Variants in CCZ1B observed in about 807,000 individuals in gnomAD.
CCZ1B encodes vacuolar fusion protein CCZ1 homolog B.
Under a neutral mutation model 58.8 loss-of-function variants are expected in CCZ1B, and 25 were observed. The ratio of observed to expected loss-of-function variants is 0.43; its 90% CI spans 0.31 to 0.59. The LOEUF (loss-of-function observed/expected upper bound fraction) is 0.59. Among genes scored for constraint, CCZ1B ranks in the 20% least tolerant of loss-of-function variants. The probability of loss-of-function intolerance (pLI) is 0.12; values close to 1 mark genes in which losing one functional copy is unlikely to be tolerated. For synonymous variants in CCZ1B, 66 were observed against 173.2 expected (o/e 0.38, Z 4.86); for missense variants, 180 against 501.5 (o/e 0.36, Z 6.12).
At chr7:6,814,662 A>G in intron 8 of CCZ1B, 102 bp downstream of exon 8, 1 of 1,040,114 alleles carries the variant, frequency 9.6e-7, no homozygotes, top group Non-Finnish European at 1.4e-6. Context: ...CAAAACATAC[A>G]TCAGAAACGA....
chr7:6,809,486 T>C (rs1393813582), intron 10 of CCZ1B, among the ~76,000 whole-genome samples: 1 of 146,462 alleles, frequency 6.8e-6, no homozygotes, highest in Admixed American at 6.7e-5. Context: ...ACACCAGGGT[T>C]ATGGAGATTT....
intron 5 of CCZ1B, 60 bp downstream of exon 5, chr7:6,823,253 G>A (rs960955801): frequency 6.3e-7 from 1 of 1,595,314 alleles, no homozygotes; most frequent in Admixed American, 1.7e-5. Flanking sequence ...AAACAACCCT[G>A]GAGCCTAGAG....
chr7:6,822,172 T>C, intron 6 of CCZ1B, 109 bp downstream of exon 6: 16 of 1,482,866 alleles, frequency 1.1e-5, no homozygotes, highest in Non-Finnish European at 1.4e-5. Context: ...TCTTTGCCAC[T>C]TTCAAGTTCT....
Position 6,799,466 on chromosome 7 carries a change from C to T in CCZ1B, c.1394-187G>A, listed in dbSNP as rs562704925. The stretch of plus-strand genomic sequence containing the variant: ...TGTTTGAGACAGAGTCTTGCTCTGT[C>T]ACCCAGGCTGGAGTGTAGTGGTGTG... On this transcript the variant is annotated intron_variant, in intron 14 of 14. Transcript: ENST00000316731. The T allele has an allele frequency of 2.9e-3, 653 of 221,376 alleles. 18 individuals carry two copies. The highest frequency in any genetic ancestry group is 3.7e-3 in the Non-Finnish European group (532 of 141,950). The allele number at this position is 221,376 out of a possible 1,614,324, so 13.7% of individuals were successfully genotyped here.
chr7:6,815,149 T>C (rs1434934190), intron 7 of CCZ1B, among the ~76,000 whole-genome samples: 1 of 145,320 alleles, frequency 6.9e-6, no homozygotes, highest in Non-Finnish European at 1.5e-5. Flanking sequence ...AGCTCATTTT[T>C]TATTAAAAAA....
At chr7:6,812,690 A>G (rs1473015633) in intron 9 of CCZ1B, among the ~76,000 whole-genome samples, 1 of 152,028 alleles carries the variant, frequency 6.6e-6, no homozygotes, top group East Asian at 1.9e-4. Context: ...TGGGAGGCCA[A>G]GGCAGGTGGA....
chr7:6,825,949 C>G (rs1230686413), intron 1 of CCZ1B, 129 bp downstream of exon 1: 1 of 387,876 alleles, frequency 2.6e-6, no homozygotes, highest in Admixed American at 6.5e-5. Flanking sequence ...CCCGCCGCAG[C>G]CCCCTGCCCG....
chr7:6,812,242 A>C (rs1782927561), intron 9 of CCZ1B, 179 bp from the exon 10 acceptor site: 2 of 591,374 alleles, frequency 3.4e-6, no homozygotes, highest in Non-Finnish European at 6.0e-6. Flanking sequence ...TAATCCCAGC[A>C]CTTTGGGAGG....
chr7:6,811,888 G>A lies in CCZ1B; in HGVS notation c.954+64C>T, dbSNP rs1490865050. On this transcript the variant is annotated intron_variant, in intron 10 of 14. Transcript: ENST00000316731. ...TTAAGAGGTTTGCACATGCACTCGT[G>A]TACACATGCAAGAAAGATCCATTTC... The A allele has an allele frequency of 3.8e-6, 6 of 1,572,426 alleles. 2 individuals carry two copies. In the African/African-American group the frequency reaches 8.6e-5, roughly 22 times the overall value.
rs796999002 is a variant in CCZ1B, at chr7:6,817,992, C to T, written c.698+1774G>A. Among the ~76,000 whole-genome samples the T allele has an allele frequency of 6.8e-5, 10 of 147,826 alleles. 1 individual carries two copies. Among genetic ancestry groups the T allele is most frequent in the South Asian group, 4.3e-4 (2 of 4,632 alleles). ...GCACTCCAGCCTGGGCAACAGAAAG[C>T]GACTCCATTTCAAAAACAAAAAAAA... On this transcript the variant is annotated intron_variant, in intron 7 of 14. Coordinates refer to ENST00000316731, the MANE Select transcript of CCZ1B (RefSeq NM_198097.5).
chr7:6,818,911 CACAA>C, intron 7 of CCZ1B, among the ~76,000 whole-genome samples: 1 of 148,232 alleles, frequency 6.7e-6, no homozygotes, highest in South Asian at 2.1e-4. Flanking sequence ...TACTGCAGGA[CACAA>C]ACCTAGTTTC....
At chr7:6,818,751 C>T (rs1284565701) in intron 7 of CCZ1B, among the ~76,000 whole-genome samples, 2 of 143,486 alleles carry the variant, frequency 1.4e-5, no homozygotes, top group East Asian at 4.0e-4. Context: ...GGGCTCTAGT[C>T]AATGGGAACA....
chr7:6,816,856 G>A (rs922440853), intron 7 of CCZ1B, among the ~76,000 whole-genome samples: 3 of 151,380 alleles, frequency 2.0e-5, no homozygotes, highest in African/African-American at 7.3e-5. Context: ...AGGCTCAAGT[G>A]ATTCTCCAGC....
intron 8 of CCZ1B, among the ~76,000 whole-genome samples, chr7:6,813,867 C>G (rs1468976913): frequency 2.0e-5 from 3 of 149,158 alleles, no homozygotes; most frequent in African/African-American, 5.1e-5. Context: ...TTTTTTTGGC[C>G]AGGAGCAGTA....
chr7:6,808,557 G>A (rs1433622082), intron 10 of CCZ1B, among the ~76,000 whole-genome samples: 2 of 150,460 alleles, frequency 1.3e-5, no homozygotes, highest in Non-Finnish European at 1.5e-5. Context: ...GTAATAAACC[G>A]CAGCTGTGAG....
chr7:6,814,756 C>T lies in CCZ1B; in HGVS notation c.780+8G>A, dbSNP rs369856072. On this transcript the variant is annotated splice_region_variant and intron_variant, in intron 8 of 14. Transcript: ENST00000316731. ...TGTAATTGTGTGCAGCTATGGTACCCATCATACCTCAGGTTCGATGTGCCT... is the reference window on the plus strand; with the variant it reads ...TGTAATTGTGTGCAGCTATGGTACCTATCATACCTCAGGTTCGATGTGCCT... 3.7e-5 allele frequency: 60 copies of T among 1,603,838 alleles called. 6 individuals are homozygous for T. In the African/African-American group the frequency reaches 6.6e-4, roughly 18 times the overall value.
chr7:6,820,498 G>A (rs62442260), intron 6 of CCZ1B, among the ~76,000 whole-genome samples: 1 of 147,868 alleles, frequency 6.8e-6, no homozygotes, highest in South Asian at 2.1e-4. Context: ...TTTTTTTTTG[G>A]TATAGACAGA....
At chr7:6,823,434 A>G in intron 4 of CCZ1B, 74 bp from the exon 5 acceptor site, 2 of 1,587,700 alleles carry the variant, frequency 1.3e-6, no homozygotes, top group Non-Finnish European at 1.7e-6. Flanking sequence ...TGGCAAAGGT[A>G]CACTGACTCT....
chr7:6,817,976 C>T (rs1385661986), intron 7 of CCZ1B, among the ~76,000 whole-genome samples: 1 of 148,626 alleles, frequency 6.7e-6, no homozygotes, highest in Non-Finnish European at 1.5e-5. Flanking sequence ...TGCACTCCAG[C>T]CTGGGCAACA....
Sources: allele counts gnomAD v4.1 joint callset (sites outside exome capture counted in the v4.1 genomes callset), GRCh38; gene constraint gnomAD v4.1.1; transcripts MANE v1.5; gene names NCBI Gene and HGNC (gene_info 2026-07-23, HGNC 2026-07-21).